Variants in NIN observed in about 807,000 individuals in gnomAD.
NIN encodes the protein glycogen synthase kinase 3 beta-interacting protein.
In NIN, 137 loss-of-function variants were observed where a neutral mutation model predicts 257.6. The observed-to-expected ratio is 0.53, with a 90% CI of 0.46 to 0.61. The LOEUF (loss-of-function observed/expected upper bound fraction) is 0.61, where lower values mean the gene tolerates loss of function less well. Among genes scored for constraint, NIN ranks in the 20% least tolerant of loss-of-function variants. The pLI, the probability that NIN is intolerant of heterozygous loss-of-function variation, is 0.00. For missense variants in NIN, 2,439 were observed against 2,501.2 expected (o/e 0.98, Z 0.53); for synonymous variants, 918 against 919.8 (o/e 1.00, Z 0.04).
rs558745049 is a variant in NIN, at chr14:50,723,025, C to T, written c.*438G>A. 16 of 210,718 alleles carry T rather than the reference C, an allele frequency of 7.6e-5. No homozygotes were observed. Among genetic ancestry groups the T allele is most frequent in the Middle Eastern group, 1.6e-3 (1 of 618 alleles). The allele number at this position is 210,718 out of a possible 1,614,324, so 13.1% of individuals were successfully genotyped here. On this transcript the variant is annotated 3_prime_UTR_variant, in exon 31 of 31. Coordinates refer to ENST00000530997, the MANE Select transcript of NIN (RefSeq NM_020921.4). ...AACCAAAACTATTATAATGACTTTC[C>T]AGTATTTAAATATGTAAGAACACCT...
intron 16 of NIN, among the ~76,000 whole-genome samples, chr14:50,761,202 G>A (rs76964316): frequency 0.022 from 3,296 of 152,240 alleles, 135 homozygotes; most frequent in African/African-American, 0.074. Context: ...CATTTTAGTT[G>A]GAGAAATTCA....
Position 50,756,906 on chromosome 14 carries a change from GGCACA to G in NIN, c.4119_4123del (p.Val1374GlnfsTer3), listed in dbSNP as rs776134076. The G allele has an allele frequency of 6.4e-7, 1 of 1,559,094 alleles. No homozygotes were observed. Among genetic ancestry groups the G allele is most frequent in the Non-Finnish European group, 8.7e-7 (1 of 1,150,362 alleles). On this transcript the variant is annotated frameshift_variant, in exon 18 of 31. Transcript: ENST00000530997. LOFTEE classifies it high-confidence loss of function. ...GACATGATGTACACTCCTAACCCTGGGCACACACTCTTCCAGTGTCTGATTGAGCT... is the reference window on the plus strand; with the variant it reads ...GACATGATGTACACTCCTAACCCTGGCACTCTTCCAGTGTCTGATTGAGCT...
chr14:50,762,978 A>G (rs2042330884), intron 15 of NIN, among the ~76,000 whole-genome samples: 1 of 152,154 alleles, frequency 6.6e-6, no homozygotes, highest in African/African-American at 2.4e-5. Context: ...AGTCCATAAC[A>G]GCTGCCGAGA....
intron 3 of NIN, among the ~76,000 whole-genome samples, chr14:50,816,726 C>T (rs1426762194): frequency 3.3e-5 from 5 of 152,028 alleles, no homozygotes; most frequent in Admixed American, 2.6e-4. Context: ...TAAAAGTATC[C>T]GTGAAATAAT....
intron 20 of NIN, among the ~76,000 whole-genome samples, chr14:50,753,162 C>T (rs369698877): frequency 1.0e-3 from 155 of 152,176 alleles, no homozygotes; most frequent in Middle Eastern, 3.4e-3. Flanking sequence ...CACTTTGGGA[C>T]GCCGAGACAG....
At chr14:50,762,737 T>G (rs1184226443) in intron 15 of NIN, among the ~76,000 whole-genome samples, 2 of 152,178 alleles carry the variant, frequency 1.3e-5, no homozygotes, top group Non-Finnish European at 2.9e-5. Context: ...CTTAAGGCAG[T>G]GGGACCCAAA....
At chr14:50,754,690 G>T (rs370177942) in intron 19 of NIN, 52 bp downstream of exon 19, 1 of 1,582,680 alleles carries the variant, frequency 6.3e-7, no homozygotes. Context: ...TGAAGTAAAA[G>T]AATTTTAGTC....
At chr14:50,753,696 T>C (rs1469404753) in intron 20 of NIN, among the ~76,000 whole-genome samples, 1 of 152,244 alleles carries the variant, frequency 6.6e-6, no homozygotes, top group Non-Finnish European at 1.5e-5. Flanking sequence ...ATCTCTAATA[T>C]GTCTTCCTCA....
At chr14:50,734,096 T>C (rs989336151) in intron 28 of NIN, among the ~76,000 whole-genome samples, 1 of 151,516 alleles carries the variant, frequency 6.6e-6, no homozygotes, top group Non-Finnish European at 1.5e-5. Context: ...ATTTTTTTTT[T>C]TTTTTCTTTT....
chr14:50,741,432 T>C, intron 25 of NIN, 150 bp downstream of exon 25: 1 of 679,576 alleles, frequency 1.5e-6, no homozygotes, highest in Non-Finnish European at 2.4e-6. Context: ...TTCTACATTT[T>C]TATCTAAGTG....
At chr14:50,724,734 A>G (rs569859011) in intron 30 of NIN, among the ~76,000 whole-genome samples, 1 of 152,186 alleles carries the variant, frequency 6.6e-6, no homozygotes, top group African/African-American at 2.4e-5. Context: ...ACGTGTCCAC[A>G]CCCCACATGT....
chr14:50,725,854 A>G (rs2040388035), intron 30 of NIN, 99 bp downstream of exon 30: 1 of 1,595,394 alleles, frequency 6.3e-7, no homozygotes, highest in African/African-American at 1.3e-5. Flanking sequence ...CCTTTATTAG[A>G]CAACATAAGT....
At chr14:50,771,920 AG>A (rs2042748346) in intron 9 of NIN, 1 of 184,362 alleles carries the variant, frequency 5.4e-6, no homozygotes, top group Non-Finnish European at 1.1e-5. Flanking sequence ...CAGGAGGCGG[AG>A]GTTGCAGTGA....
rs578030677 is a variant in NIN at position 50,824,760 on chromosome 14, TG to T, written c.-21-2684del. Among the ~76,000 whole-genome samples the T allele has an allele frequency of 1.1e-3, 174 of 152,330 alleles. 2 individuals are homozygous for T. Among genetic ancestry groups the T allele is most frequent in the African/African-American group, 4.0e-3 (168 of 41,568 alleles). ...TCCTTGAGAGGAAACGTACCCTAAA[TG>T]AGGTCTACAGAAATGGGCATATGAA... On this transcript the variant is annotated intron_variant, in intron 2 of 30. Coordinates refer to ENST00000530997, the MANE Select transcript of NIN (RefSeq NM_020921.4).
At chr14:50,769,036 G>C (rs1471034833) in intron 12 of NIN, among the ~76,000 whole-genome samples, 1 of 151,756 alleles carries the variant, frequency 6.6e-6, no homozygotes, top group Non-Finnish European at 1.5e-5. Flanking sequence ...TTCACGAAAT[G>C]AAACAGTTAG....
intron 5 of NIN, among the ~76,000 whole-genome samples, chr14:50,788,098 C>A (rs2043423040): frequency 6.6e-6 from 1 of 151,936 alleles, no homozygotes; most frequent in Non-Finnish European, 1.5e-5. Context: ...AAAATGTTTA[C>A]AATTTATGTT....
rs1283110325 is a variant in NIN, at chr14:50,729,706, G to A, written c.5895C>T (p.Ser1965=). Residue 1965 remains serine (S), a synonymous_variant, in exon 29 of 31, where the codon TCC becomes TCT. Coordinates refer to ENST00000530997, the MANE Select transcript of NIN (RefSeq NM_020921.4). ...EQLMEMQHLR[S]TATPSPSPHA... The stretch of plus-strand genomic sequence containing the variant: ...GAGGGGACGGGCTAGGCGTCGCAGT[G>A]GACCTCAGGTGCTGCATCTGAAGGA... 8 of 1,606,294 alleles carry A rather than the reference G, an allele frequency of 5.0e-6. No individual in the cohort carries two copies. The highest frequency in any genetic ancestry group is 1.1e-5 in the South Asian group (1 of 90,002).
At chr14:50,732,603 A>G (rs149155573) in intron 28 of NIN, among the ~76,000 whole-genome samples, 1 of 152,378 alleles carries the variant, frequency 6.6e-6, no homozygotes, top group Non-Finnish European at 1.5e-5. Context: ...ATTCTATGTT[A>G]GGTATATATT....
chr14:50,808,234 A>ATCCTGGGGG (rs1166873680), intron 3 of NIN, among the ~76,000 whole-genome samples: 5 of 152,200 alleles, frequency 3.3e-5, no homozygotes, highest in Non-Finnish European at 7.3e-5. Flanking sequence ...ACAGCCAAAC[A>ATCCTGGGGG]TCCTGGGGGA....
Sources: gnomAD v4.1 joint callset for allele counts (sites outside exome capture counted in the v4.1 genomes callset) on GRCh38, gnomAD v4.1.1 for gene constraint, MANE v1.5 for transcripts, NCBI Gene and HGNC (gene_info 2026-07-23, HGNC 2026-07-21) for gene names.